Variants in LOXHD1 observed in about 807,000 individuals in gnomAD.
LOXHD1 encodes lipoxygenase homology domain-containing protein 1.
LOXHD1 carries 205 observed loss-of-function variants against 248.2 expected under a neutral mutation model. That is an observed-to-expected ratio of 0.83 (90% confidence interval 0.74 to 0.93). The LOEUF is 0.93. LOXHD1 is among the 40% of genes least tolerant of loss of function. The pLI, the probability that LOXHD1 is intolerant of heterozygous loss-of-function variation, is 0.00. For synonymous variants in LOXHD1, 1,113 were observed against 1,162.8 expected (o/e 0.96, Z 0.87); for missense variants, 2,930 against 2,971.6 (o/e 0.99, Z 0.33).
At chr18:46,625,217 C>T (rs756313158) in intron 4 of LOXHD1, among the ~76,000 whole-genome samples, 1 of 152,186 alleles carries the variant, frequency 6.6e-6, no homozygotes, top group Non-Finnish European at 1.5e-5. Flanking sequence ...CCTGCCAAAC[C>T]CACACGGCCC....
chr18:46,554,333 T>G (rs1420014034), intron 21 of LOXHD1, among the ~76,000 whole-genome samples: 1 of 152,018 alleles, frequency 6.6e-6, no homozygotes, highest in Non-Finnish European at 1.5e-5. Context: ...GTGAGGGAGA[T>G]GTCAGTGTTC....
At chr18:46,630,773 G>C (rs1285397897) in intron 4 of LOXHD1, among the ~76,000 whole-genome samples, 2 of 152,120 alleles carry the variant, frequency 1.3e-5, no homozygotes, top group African/African-American at 2.4e-5. Flanking sequence ...GTGGGTATGG[G>C]GGGGGGTGTG....
At chr18:46,535,383 T>G (rs1354662623) in intron 26 of LOXHD1, among the ~76,000 whole-genome samples, 1 of 151,602 alleles carries the variant, frequency 6.6e-6, no homozygotes, top group Non-Finnish European at 1.5e-5. Flanking sequence ...ATGGTGTGCA[T>G]GAAAGTCCCC....
chr18:46,508,080 C>A (rs770377351), intron 35 of LOXHD1, among the ~76,000 whole-genome samples: 1 of 152,146 alleles, frequency 6.6e-6, no homozygotes, highest in South Asian at 2.1e-4. Context: ...GGGAGCAGAA[C>A]GCTGACATTT....
At chr18:46,655,471 G>T (rs909194610) in intron 1 of LOXHD1, among the ~76,000 whole-genome samples, 8 of 152,352 alleles carry the variant, frequency 5.3e-5, no homozygotes, top group African/African-American at 1.9e-4. Context: ...CGTGGCTGGG[G>T]AGAATCACCT....
intron 5 of LOXHD1, among the ~76,000 whole-genome samples, chr18:46,613,427 A>T (rs2038537703): frequency 6.6e-6 from 1 of 152,124 alleles, no homozygotes; most frequent in African/African-American, 2.4e-5. Context: ...CAACTTTAGT[A>T]ACTTTCTCTT....
intron 37 of LOXHD1, among the ~76,000 whole-genome samples, chr18:46,504,055 G>C (rs1427938332): frequency 6.6e-6 from 1 of 152,174 alleles, no homozygotes; most frequent in Non-Finnish European, 1.5e-5. Context: ...AAAAAGAGGA[G>C]CAATAAAGTG....
rs2037403010 is a variant in LOXHD1 at position 46,557,783 on chromosome 18, T to C, written c.3217-294A>G. ...GAGGCAGAAGAGAAGATAGGTTTGC[T>C]GGATGCCCACATCTGTGGTGGGTGT... On this transcript the variant is annotated intron_variant, in intron 20 of 40. Transcript: ENST00000642948. 9 of 1,100,036 alleles carry C rather than the reference T, an allele frequency of 8.2e-6. No homozygotes were observed. The Admixed American group carries it at 2.7e-4, about 33-fold the overall frequency. 68.1% of individuals were successfully genotyped at this position (1,100,036 alleles called of 1,614,324 possible).
At chr18:46,486,918 T>C (rs751684473) in intron 38 of LOXHD1, among the ~76,000 whole-genome samples, 4 of 152,176 alleles carry the variant, frequency 2.6e-5, no homozygotes, top group Admixed American at 6.5e-5. Flanking sequence ...GAAGTTTCAA[T>C]CAGCATATTT....
In LOXHD1 at chr18:46,560,179, G is replaced by A. The variant is rs1486183883; in HGVS notation, c.2965C>T (p.Gln989Ter). 1.3e-6 allele frequency: 2 copies of A among 1,551,504 alleles called. No individual in the cohort carries two copies. Among genetic ancestry groups the A allele is most frequent in the Admixed American group, 2.0e-5 (1 of 50,964 alleles). Residue 989 changes from glutamine to a stop codon, truncating the protein, a stop_gained, in exon 19 of 41, where the codon CAG becomes TAG. Transcript: ENST00000642948. LOFTEE classifies it high-confidence loss of function. ...FGPGMQEVIE[Q>*]HKFEAHRWLA... ...CAGCGGTGGGCTTCGAACTTGTGCT[G>A]CTCAATCACCTCCTGCATCCCCGGC...
chr18:46,488,482 G>A (rs529740845), intron 38 of LOXHD1, among the ~76,000 whole-genome samples: 2 of 152,264 alleles, frequency 1.3e-5, no homozygotes, highest in East Asian at 1.9e-4. Flanking sequence ...ATCTGTGAGA[G>A]GCACATCTCC....
Position 46,641,943 on chromosome 18 carries a change from G to T in LOXHD1, c.326+13C>A, listed in dbSNP as rs373350974. 1.3e-6 allele frequency: 2 copies of T among 1,549,942 alleles called. No individual in the cohort carries two copies. The highest frequency in any genetic ancestry group is 1.4e-5 in the African/African-American group (1 of 72,990). On this transcript the variant is annotated intron_variant, in intron 3 of 40. Transcript: ENST00000642948. ...TCTCCACCCTCAATCCTAGTCAGGCGCCAGCTTCTCACCTGACTTTATAGA... is the reference window on the plus strand; with the variant it reads ...TCTCCACCCTCAATCCTAGTCAGGCTCCAGCTTCTCACCTGACTTTATAGA...
At chr18:46,616,369 T>C (rs1478209691) in intron 5 of LOXHD1, among the ~76,000 whole-genome samples, 1 of 152,190 alleles carries the variant, frequency 6.6e-6, no homozygotes, top group East Asian at 1.9e-4. Flanking sequence ...CCTACTCTCC[T>C]GGGAATGGGG....
chr18:46,486,975 A>G (rs2033102878), intron 38 of LOXHD1, among the ~76,000 whole-genome samples: 4 of 152,194 alleles, frequency 2.6e-5, no homozygotes, highest in African/African-American at 9.7e-5. Flanking sequence ...AAAAATGTAG[A>G]AGGCATGATT....
chr18:46,521,132 G>C lies in LOXHD1; in HGVS notation c.5236C>G (p.Leu1746Val). 2 of 1,551,766 alleles carry C rather than the reference G, an allele frequency of 1.3e-6. No homozygotes were observed. The change falls in exon 33 of 41, where the codon CTC (leucine) becomes GTC (valine). Residue 1746 changes from leucine to valine, a missense_variant. Coordinates refer to ENST00000642948, the MANE Select transcript of LOXHD1 (RefSeq NM_001384474.1). ...GDGITSRVFD[L>V]LDAMVVNIGV... is the part of the protein sequence containing the mutation. ...ATGTTCACCACCATGGCATCCAAGA[G>C]GTCGAAGACACGGGAGGTGATGCCG...
intron 4 of LOXHD1, among the ~76,000 whole-genome samples, chr18:46,634,594 A>G (rs914560418): frequency 1.3e-5 from 2 of 152,206 alleles, no homozygotes; most frequent in Non-Finnish European, 2.9e-5. Flanking sequence ...TTTCATGGAT[A>G]GACTTGGCTT....
At chr18:46,611,554 T>C (rs1462175879) in intron 5 of LOXHD1, among the ~76,000 whole-genome samples, 4 of 152,214 alleles carry the variant, frequency 2.6e-5, no homozygotes, top group Non-Finnish European at 4.4e-5. Context: ...TGCTCTGCAA[T>C]TTTCCATTAT....
In LOXHD1 at chr18:46,569,695, A is replaced by G. The variant is rs2037714711; in HGVS notation, c.2048-57T>C. 7.0e-6 allele frequency: 10 copies of G among 1,423,316 alleles called. No individual in the cohort carries two copies. The Admixed American group carries it at 2.1e-4, about 30-fold the overall frequency. The allele number at this position is 1,423,316 out of a possible 1,614,324, so 88.2% of individuals were successfully genotyped here. ...AGGGGTTAGTGCAGGGGGTGACAGG[A>G]AGCAGGGTGCGTGTATAGGAGGGCA... is the stretch of plus-strand genomic sequence containing the variant. On this transcript the variant is annotated intron_variant, in intron 15 of 40. Coordinates refer to ENST00000642948, the MANE Select transcript of LOXHD1 (RefSeq NM_001384474.1).
chr18:46,652,857 AGAAC>A (rs982401751), intron 1 of LOXHD1, among the ~76,000 whole-genome samples: 12 of 152,264 alleles, frequency 7.9e-5, no homozygotes, highest in Non-Finnish European at 1.6e-4. Flanking sequence ...GCAATAAAAA[AGAAC>A]AAACTATATA....
Sources: allele counts gnomAD v4.1 joint callset (sites outside exome capture counted in the v4.1 genomes callset), GRCh38; gene constraint gnomAD v4.1.1; transcripts MANE v1.5; gene names NCBI Gene and HGNC (gene_info 2026-07-23, HGNC 2026-07-21).